The following SH3PXD2B variants were observed in gnomAD, a reference collection of about 807,000 sequenced individuals.
SH3PXD2B encodes the protein SH3 and PX domains 2B, also known as SH3 and PX domain-containing protein 2B.
A neutral mutation model predicts 73.1 loss-of-function variants in SH3PXD2B; 37 were observed. That is an observed-to-expected ratio of 0.51 (90% CI 0.39 to 0.67). SH3PXD2B has a LOEUF of 0.67. Among genes scored for constraint, SH3PXD2B ranks in the 30% least tolerant of loss-of-function variants. SH3PXD2B has a pLI of 0.00. For synonymous variants in SH3PXD2B, 457 were observed against 480.5 expected, an observed-to-expected ratio of 0.95 and a Z score of 0.64; for missense variants, 1,053 against 1,197.8, an observed-to-expected ratio of 0.88 and a Z score of 1.78.
chr5:172,393,577 T>C (rs1382607210), intron 4 of SH3PXD2B, among the ~76,000 whole-genome samples: 1 of 152,220 alleles, frequency 6.6e-6, no homozygotes, highest in Non-Finnish European at 1.5e-5. Context: ...AGTCCCCTAG[T>C]AAAATGTAGA....
intron 3 of SH3PXD2B, among the ~76,000 whole-genome samples, chr5:172,397,592 C>CT (rs2113406928): frequency 6.6e-6 from 1 of 152,306 alleles, no homozygotes; most frequent in South Asian, 2.1e-4. Flanking sequence ...TACTCTTTCC[C>CT]TTTATTTCTC....
At position 172,421,049 on chromosome 5, in the gene SH3PXD2B, A is replaced by G. The variant is rs1240362431; in HGVS notation, c.156+1367T>C. Among the ~76,000 whole-genome samples the G allele has an allele frequency of 2.0e-5, 3 of 152,218 alleles. No individual in the cohort carries two copies. The highest frequency in any genetic ancestry group is 2.1e-4 in the South Asian group (1 of 4,830). On this transcript the variant is annotated intron_variant, in intron 2 of 12. Coordinates refer to ENST00000311601, the MANE Select transcript of SH3PXD2B (RefSeq NM_001017995.3). The surrounding 1 kb of genome is among the most constrained non-coding windows in gnomAD (Gnocchi z 4.0). Reference sequence around the variant, plus strand: ...TTCAGTTGGGTTTCTGTCACTCGCAACAGAAGCATTCTGACTGAAAAGAAG... The same window carrying G: ...TTCAGTTGGGTTTCTGTCACTCGCAGCAGAAGCATTCTGACTGAAAAGAAG...
At chr5:172,370,235 C>T (rs1757670473) in intron 6 of SH3PXD2B, among the ~76,000 whole-genome samples, 1 of 152,128 alleles carries the variant, frequency 6.6e-6, no homozygotes, top group South Asian at 2.1e-4. Context: ...AAGAAGGCTT[C>T]AGTTAAGTGA....
chr5:172,344,781 T>C (rs767229781), intron 12 of SH3PXD2B, among the ~76,000 whole-genome samples: 2 of 152,128 alleles, frequency 1.3e-5, no homozygotes, highest in African/African-American at 2.4e-5. Flanking sequence ...TAGTGAAACA[T>C]GAAGATACTT....
chr5:172,426,669 T>C (rs550166678), intron 1 of SH3PXD2B, among the ~76,000 whole-genome samples: 1 of 152,296 alleles, frequency 6.6e-6, no homozygotes, highest in South Asian at 2.1e-4. Flanking sequence ...GGCTCAGGGA[T>C]GGGCACAAGA....
chr5:172,373,129 G>C (rs1757742690), intron 6 of SH3PXD2B, among the ~76,000 whole-genome samples: 1 of 152,210 alleles, frequency 6.6e-6, no homozygotes, highest in Admixed American at 6.5e-5. Context: ...AATGGCAATA[G>C]GGACGGGAGT....
intron 1 of SH3PXD2B, among the ~76,000 whole-genome samples, chr5:172,451,334 CTT>C (rs1207654066): frequency 1.3e-5 from 2 of 152,150 alleles, no homozygotes; most frequent in Admixed American, 1.3e-4. Context: ...CAAAAACTGA[CTT>C]TATAGTCTAT....
At chr5:172,349,748 A>G (rs1245289509) in intron 10 of SH3PXD2B, among the ~76,000 whole-genome samples, 2 of 152,128 alleles carry the variant, frequency 1.3e-5, no homozygotes, top group Admixed American at 6.5e-5. Context: ...GACTAATTAG[A>G]AGGTTTCTGG....
chr5:172,412,849 T>A (rs7713344), intron 2 of SH3PXD2B, among the ~76,000 whole-genome samples: 3 of 151,882 alleles, frequency 2.0e-5, no homozygotes, highest in African/African-American at 7.3e-5. Flanking sequence ...GCGCTCAGGG[T>A]GAGGAGGACT....
In SH3PXD2B at chr5:172,350,253, G is replaced by C. The variant is rs992759551; in HGVS notation, c.1012+110C>G. 9.7e-6 allele frequency: 10 copies of C among 1,034,290 alleles called. No individual in the cohort carries two copies. The African/African-American group carries it at 1.4e-4, about 15-fold the overall frequency. The allele number at this position is 1,034,290 out of a possible 1,614,324, so 64.1% of individuals were successfully genotyped here. On this transcript the variant is annotated intron_variant, in intron 10 of 12. Coordinates refer to ENST00000311601, the MANE Select transcript of SH3PXD2B (RefSeq NM_001017995.3). ...GCCTCTGTTTTCTTATCTGGAGGATGGGGGAGCAGCTGGGCTGCTGTGAGG... is the reference window on the plus strand; with the variant it reads ...GCCTCTGTTTTCTTATCTGGAGGATCGGGGAGCAGCTGGGCTGCTGTGAGG...
At chr5:172,354,473 G>A (rs1757229356) in intron 8 of SH3PXD2B, among the ~76,000 whole-genome samples, 1 of 152,192 alleles carries the variant, frequency 6.6e-6, no homozygotes, top group South Asian at 2.1e-4. Flanking sequence ...GTTCATTCCT[G>A]TGTCTTCAGC....
chr5:172,355,965 C>T (rs150518505), intron 8 of SH3PXD2B, among the ~76,000 whole-genome samples: 3 of 152,238 alleles, frequency 2.0e-5, no homozygotes, highest in East Asian at 1.9e-4. Context: ...TCCTCCCGAG[C>T]GTGCATTTGC....
chr5:172,420,394 C>G (rs532123230), intron 2 of SH3PXD2B, among the ~76,000 whole-genome samples: 6 of 152,236 alleles, frequency 3.9e-5, no homozygotes, highest in Non-Finnish European at 8.8e-5. Context: ...GTAGGCGTTT[C>G]GGGAAACCAG....
intron 2 of SH3PXD2B, among the ~76,000 whole-genome samples, chr5:172,409,496 TC>T (rs1758640464): frequency 6.6e-6 from 1 of 152,074 alleles, no homozygotes; most frequent in African/African-American, 2.4e-5. Flanking sequence ...CCCCCTACCC[TC>T]CCCAGCCTCT....
At chr5:172,454,251 G>A in intron 1 of SH3PXD2B, 27 bp downstream of exon 1, 3 of 1,587,538 alleles carry the variant, frequency 1.9e-6, no homozygotes, top group Non-Finnish European at 1.7e-6. Flanking sequence ...CGGGCTCAAG[G>A]GGGCGTGGGG....
At chr5:172,380,384 G>C (rs191753504) in intron 5 of SH3PXD2B, among the ~76,000 whole-genome samples, 41 of 152,284 alleles carry the variant, frequency 2.7e-4, no homozygotes, top group African/African-American at 7.2e-5. Context: ...GTGAGAAAAT[G>C]AAGTGGAAAG....
In SH3PXD2B at chr5:172,337,904, T is replaced by TAA; in HGVS notation, c.*463_*464dup. 3 of 1,025,826 alleles carry TAA rather than the reference T, an allele frequency of 2.9e-6. No homozygotes were observed. The highest frequency in any genetic ancestry group is 3.5e-6 in the Non-Finnish European group (3 of 854,142). 63.5% of individuals were successfully genotyped at this position (1,025,826 alleles called of 1,614,324 possible). A position where few individuals can be genotyped will look rare whatever the true frequency, so the allele number is the denominator to read the frequency against. On this transcript the variant is annotated 3_prime_UTR_variant, in exon 13 of 13. Coordinates refer to ENST00000311601, the MANE Select transcript of SH3PXD2B (RefSeq NM_001017995.3). ...TAGCAGGCAATTTAGGAGGAGTGAATAAAGCCACTGGGCTTTTAGAAACAT... is the reference window on the plus strand; with the variant it reads ...TAGCAGGCAATTTAGGAGGAGTGAATAAAAAGCCACTGGGCTTTTAGAAACAT...
rs545333722 is a variant in SH3PXD2B, at chr5:172,391,068, C to T, written c.309+3495G>A. On this transcript the variant is annotated intron_variant, in intron 4 of 12. Transcript: ENST00000311601. ...TTTGGTCAGGCTGGTCTCGAACTCC[C>T]GACCTCAGGTGATCCACCCGCCTCA... Among the ~76,000 whole-genome samples the T allele has an allele frequency of 3.3e-4, 50 of 152,022 alleles. No individual in the cohort carries two copies. In the East Asian group the frequency reaches 6.8e-3, roughly 21 times the overall value.
rs1230936599 is a variant in SH3PXD2B, at chr5:172,391,381, T to C, written c.309+3182A>G. Among the ~76,000 whole-genome samples, 7 of 152,252 alleles carry C rather than the reference T, an allele frequency of 4.6e-5. No homozygotes were observed. The South Asian group carries it at 1.0e-3, about 23-fold the overall frequency. On this transcript the variant is annotated intron_variant, in intron 4 of 12. Transcript: ENST00000311601. ...TTAAAATCGGGTTGTCTTACTATTATTGAGTTCTTGGTGTATGTTCAATAC... is the reference window on the plus strand; with the variant it reads ...TTAAAATCGGGTTGTCTTACTATTACTGAGTTCTTGGTGTATGTTCAATAC...
Sources: allele counts gnomAD v4.1 joint callset (sites outside exome capture counted in the v4.1 genomes callset), GRCh38; gene constraint gnomAD v4.1.1; non-coding constraint Gnocchi (gnomAD v3.1); transcripts MANE v1.5; gene names NCBI Gene and HGNC (gene_info 2026-07-23, HGNC 2026-07-21).